The following WDPCP variants were observed in gnomAD, a reference collection of about 807,000 sequenced individuals.
WDPCP encodes WD repeat containing planar cell polarity effector, also known as WD repeat-containing and planar cell polarity effector protein fritz homolog.
A neutral mutation model predicts 93.1 loss-of-function variants in WDPCP; 71 were observed. The ratio of observed to expected loss-of-function variants is 0.76; its 90% CI spans 0.63 to 0.93. The LOEUF is 0.93. Ranked by LOEUF, WDPCP falls within the 40% of genes least tolerant of loss-of-function variation. The pLI is 0.00. For synonymous variants in WDPCP, 315 were observed against 315.0 expected (o/e 1.00, Z 0.00); for missense variants, 844 against 887.4 (o/e 0.95, Z 0.62).
At chr2:63,646,166 A>T (rs1286850563) in intron 3 of WDPCP, among the ~76,000 whole-genome samples, 1 of 151,636 alleles carries the variant, frequency 6.6e-6, no homozygotes, top group Non-Finnish European at 1.5e-5. Flanking sequence ...TTGTGTATTC[A>T]TTGTATGGTT....
chr2:63,211,027 G>C (rs1052857760), intron 14 of WDPCP, among the ~76,000 whole-genome samples: 2 of 152,210 alleles, frequency 1.3e-5, no homozygotes, highest in South Asian at 2.1e-4. Flanking sequence ...CTGCTTCTGG[G>C]GGGCAGGGCA....
chr2:63,741,294 CCTCG>C (rs1212101480), intron 2 of WDPCP, among the ~76,000 whole-genome samples: 1 of 152,002 alleles, frequency 6.6e-6, no homozygotes, highest in Non-Finnish European at 1.5e-5. Flanking sequence ...GTCTCAGGTC[CCTCG>C]GACCTTCTTT....
At chr2:63,697,374 A>G (rs1668974913) in intron 2 of WDPCP, among the ~76,000 whole-genome samples, 1 of 152,228 alleles carries the variant, frequency 6.6e-6, no homozygotes, top group South Asian at 2.1e-4. Context: ...AAATTCAGAT[A>G]GATCCAGAGT....
At chr2:63,351,312 G>A (rs906573102) in intron 12 of WDPCP, among the ~76,000 whole-genome samples, 2 of 152,094 alleles carry the variant, frequency 1.3e-5, no homozygotes, top group Non-Finnish European at 2.9e-5. Flanking sequence ...GGAGGTACAT[G>A]TGCAGGTTTG....
intron 2 of WDPCP, among the ~76,000 whole-genome samples, chr2:63,694,697 T>C (rs1668939658): frequency 6.6e-6 from 1 of 152,086 alleles, no homozygotes; most frequent in Non-Finnish European, 1.5e-5. Flanking sequence ...GTAGGAAGCA[T>C]AAAAAAGGAA....
intron 9 of WDPCP, among the ~76,000 whole-genome samples, chr2:63,427,616 T>C (rs1325710232): frequency 2.0e-5 from 3 of 152,146 alleles, no homozygotes; most frequent in Non-Finnish European, 4.4e-5. Flanking sequence ...AGTAAATGCC[T>C]ACATCACGAA....
chr2:63,341,960 G>T (rs1233830178), intron 12 of WDPCP, among the ~76,000 whole-genome samples: 1 of 152,086 alleles, frequency 6.6e-6, no homozygotes, highest in African/African-American at 2.4e-5. Context: ...AACATATATG[G>T]TTGGATCATG....
At chr2:63,431,107 T>A (rs982012084) in intron 9 of WDPCP, among the ~76,000 whole-genome samples, 8 of 152,112 alleles carry the variant, frequency 5.3e-5, no homozygotes, top group Non-Finnish European at 1.2e-4. Flanking sequence ...GTTCAGTATG[T>A]GGGCTTTATC....
At chr2:63,654,751 C>T (rs1182217160) in intron 2 of WDPCP, among the ~76,000 whole-genome samples, 2 of 152,154 alleles carry the variant, frequency 1.3e-5, no homozygotes, top group Non-Finnish European at 2.9e-5. Context: ...TAAATCATCT[C>T]TGGATTACCG....
At chr2:63,805,267 A>C (rs1373830392) in intron 2 of WDPCP, among the ~76,000 whole-genome samples, 1 of 152,202 alleles carries the variant, frequency 6.6e-6, no homozygotes, top group Non-Finnish European at 1.5e-5. Context: ...CCACCCACTT[A>C]ATCTCATTTA....
chr2:63,630,065 T>C (rs752847008), intron 3 of WDPCP, among the ~76,000 whole-genome samples: 5 of 151,990 alleles, frequency 3.3e-5, no homozygotes, highest in African/African-American at 7.3e-5. Flanking sequence ...TTGGAACAAA[T>C]GAAAAATCAG....
chr2:63,152,368 G>A (rs1416378115), intron 17 of WDPCP, among the ~76,000 whole-genome samples: 2 of 151,114 alleles, frequency 1.3e-5, no homozygotes, highest in African/African-American at 4.9e-5. Context: ...TCTTCCTCCT[G>A]GGTTCAAGTA....
chr2:63,347,586 C>T (rs1689277838), intron 12 of WDPCP, among the ~76,000 whole-genome samples: 1 of 152,102 alleles, frequency 6.6e-6, no homozygotes, highest in Admixed American at 6.6e-5. Flanking sequence ...TTCTTTAGAT[C>T]TGGTTCTTTG....
chr2:63,696,736 C>T (rs998492760), intron 2 of WDPCP, among the ~76,000 whole-genome samples: 25 of 152,150 alleles, frequency 1.6e-4, no homozygotes, highest in Non-Finnish European at 1.5e-5. Context: ...CTTTTCTGAC[C>T]AGAATCTTAG....
intron 1 of WDPCP, among the ~76,000 whole-genome samples, chr2:63,573,253 A>G (rs1252663072): frequency 6.6e-6 from 1 of 151,958 alleles, no homozygotes; most frequent in Non-Finnish European, 1.5e-5. Context: ...AAAAAAAAAA[A>G]AAAAAAAGGA....
intron 1 of WDPCP, among the ~76,000 whole-genome samples, chr2:63,516,374 C>A (rs1329211869): frequency 6.6e-6 from 1 of 152,154 alleles, no homozygotes; most frequent in African/African-American, 2.4e-5. Flanking sequence ...AGTCACTCTA[C>A]TGATTTATTA....
chr2:63,812,359 G>A (rs1391377781), intron 2 of WDPCP, among the ~76,000 whole-genome samples: 1 of 152,184 alleles, frequency 6.6e-6, no homozygotes, highest in Non-Finnish European at 1.5e-5. Context: ...ATTATGAATA[G>A]TGCTGTGATG....
At chr2:63,809,521 G>T (rs1335946091) in intron 2 of WDPCP, among the ~76,000 whole-genome samples, 2 of 152,262 alleles carry the variant, frequency 1.3e-5, no homozygotes, top group African/African-American at 2.4e-5. Flanking sequence ...CCGTGTCTGT[G>T]TAGAAAGAAG....
intron 1 of WDPCP, among the ~76,000 whole-genome samples, chr2:63,549,421 T>C (rs955929652): frequency 6.6e-6 from 1 of 152,032 alleles, no homozygotes; most frequent in Non-Finnish European, 1.5e-5. Context: ...TGTTTTATAC[T>C]GTAATGGAAA....
Sources: gnomAD v4.1 joint callset for allele counts (sites outside exome capture counted in the v4.1 genomes callset) on GRCh38, gnomAD v4.1.1 for gene constraint, MANE v1.5 for transcripts, NCBI Gene and HGNC (gene_info 2026-07-23, HGNC 2026-07-21) for gene names.